IL17REL: variants seen among roughly 807,000 people sequenced by gnomAD.
The protein encoded by IL17REL is interleukin-17 receptor E-like protein.
In IL17REL, 36 loss-of-function variants were observed where a neutral mutation model predicts 49.0. The observed-to-expected ratio is 0.73, with a 90% confidence interval of 0.56 to 0.97. The LOEUF (loss-of-function observed/expected upper bound fraction) is 0.97. Among genes scored for constraint, IL17REL ranks in the 50% least tolerant of loss-of-function variants. The pLI is 0.00. For missense variants in IL17REL, 470 were observed against 453.9 expected (o/e 1.04, Z -0.32); for synonymous variants, 206 against 192.4 (o/e 1.07, Z -0.58).
upstream of IL17REL, among the ~76,000 whole-genome samples, chr22:50,009,498 G>A (rs1324418760): frequency 6.6e-6 from 1 of 152,182 alleles, no homozygotes; most frequent in Non-Finnish European, 1.5e-5. Context: ...CTCAGAGCAG[G>A]GCAGGACCCC....
chr22:49,998,343 G>A (rs367974115), intron 7 of IL17REL, 34 bp from the exon 10 acceptor site: 3 of 1,569,510 alleles, frequency 1.9e-6, no homozygotes, highest in African/African-American at 1.4e-5. Flanking sequence ...CAGGTCAGTT[G>A]GGCCCTACCC....
exon 2 of IL17REL, chr22:50,001,120 G>C: frequency 6.2e-7 from 1 of 1,602,380 alleles, no homozygotes; most frequent in Non-Finnish European, 8.5e-7. Flanking sequence ...CAGGAGCATC[G>C]CGCAGCCGTC....
Position 49,999,808 on chromosome 22 carries a change from C to A in IL17REL, c.474+20G>T. ...GGGCGGGGCCTAAGGCTGACCGGGGCCCGGGGCGCGGGCGCTCACTCGCAC... is the reference window on the plus strand; with the variant it reads ...GGGCGGGGCCTAAGGCTGACCGGGGACCGGGGCGCGGGCGCTCACTCGCAC... On this transcript the variant is annotated intron_variant, in intron 5 of 12. Coordinates refer to ENST00000341280, the Ensembl canonical transcript of IL17REL. 6.7e-7 allele frequency: 1 copy of A among 1,485,670 alleles called. No homozygotes were observed. Among genetic ancestry groups the A allele is most frequent in the Non-Finnish European group, 9.0e-7 (1 of 1,116,786 alleles). The allele number at this position is 1,485,670 out of a possible 1,614,324, so 92.0% of individuals were successfully genotyped here.
downstream of IL17REL, among the ~76,000 whole-genome samples, chr22:49,991,898 G>T (rs6010240): frequency 0.021 from 3,198 of 152,208 alleles, 112 homozygotes; most frequent in African/African-American, 0.073. Context: ...TGCCTGAGGT[G>T]GTCCGGGCAC....
At chr22:49,998,113 C>T (rs779176195) in intron 8 of IL17REL, 24 bp downstream of exon 10, 2 of 1,594,652 alleles carry the variant, frequency 1.3e-6, no homozygotes, top group Admixed American at 3.5e-5. Flanking sequence ...TGCCCACCCC[C>T]ATCCCTGCTG....
downstream of IL17REL, among the ~76,000 whole-genome samples, chr22:49,993,113 A>C (rs1344997331): frequency 6.6e-6 from 1 of 152,210 alleles, no homozygotes; most frequent in Non-Finnish European, 1.5e-5. The surrounding 1 kb of genome is among the most constrained non-coding windows in gnomAD (Gnocchi z 6.0). Flanking sequence ...ACTCTGACCC[A>C]AGACCCTCCT....
At chr22:49,994,207 C>T (rs1276183907), downstream of IL17REL, among the ~76,000 whole-genome samples, 1 of 152,138 alleles carries the variant, frequency 6.6e-6, no homozygotes, top group African/African-American at 2.4e-5. Flanking sequence ...TGCTCAAACC[C>T]AGCTTCTAAA....
intron 1 of IL17REL, among the ~76,000 whole-genome samples, chr22:50,005,614 C>G (rs137854): frequency 0.54 from 81,791 of 151,386 alleles, 22,532 homozygotes; most frequent in South Asian, 0.76. Flanking sequence ...CCAGCCTGGC[C>G]AACATGGTGA....
exon 13 of IL17REL, chr22:49,995,185 G>T (rs916190134): frequency 6.6e-6 from 1 of 152,526 alleles, no homozygotes; most frequent in African/African-American, 2.4e-5. Flanking sequence ...GGGTGGGGTT[G>T]CACCCTGCAC....
chr22:49,999,376 AC>A, intron 6 of IL17REL, 31 bp from the exon 9 acceptor site: 1 of 1,612,426 alleles, frequency 6.2e-7, no homozygotes, highest in South Asian at 1.1e-5. Context: ...AGCGCAGCCC[AC>A]CCATCCCTGT....
chr22:49,996,975 G>A lies in IL17REL; in HGVS notation c.*44+19C>T. The A allele has an allele frequency of 7.5e-7, 1 of 1,337,804 alleles. No homozygotes were observed. Among genetic ancestry groups the A allele is most frequent in the East Asian group, 2.5e-5 (1 of 40,026 alleles). The allele number at this position is 1,337,804 out of a possible 1,614,324, so 82.9% of individuals were successfully genotyped here. A position where few individuals can be genotyped will look rare whatever the true frequency, so the allele number is the denominator to read the frequency against. Reference sequence around the variant, plus strand: ...AGTGGAGGAGATGGCTAGGGGCTGGGCACAGCAGCGACACCCACCTGGATG... The same window carrying A: ...AGTGGAGGAGATGGCTAGGGGCTGGACACAGCAGCGACACCCACCTGGATG... On this transcript the variant is annotated intron_variant, in intron 12 of 12. Transcript: ENST00000341280.
exon 13 of IL17REL, chr22:49,996,680 G>C (rs1569207554): frequency 3.7e-6 from 1 of 269,032 alleles, no homozygotes; most frequent in African/African-American, 2.2e-5. Context: ...CTGACTCAGG[G>C]CCGGATGGTC....
At chr22:50,002,607 G>A (rs953616781) in intron 1 of IL17REL, among the ~76,000 whole-genome samples, 41 of 149,434 alleles carry the variant, frequency 2.7e-4, no homozygotes, top group Non-Finnish European at 5.3e-4. Context: ...CAATTCTCCT[G>A]CCTCAGCCTC....
chr22:50,006,118 T>C (rs1474898901), intron 1 of IL17REL, among the ~76,000 whole-genome samples: 1 of 152,114 alleles, frequency 6.6e-6, no homozygotes, highest in East Asian at 1.9e-4. Flanking sequence ...CCCCAGCACA[T>C]GGTGAGGAAG....
exon 4 of IL17REL, chr22:50,000,567 G>T: frequency 6.2e-7 from 1 of 1,613,458 alleles, no homozygotes; most frequent in Non-Finnish European, 8.5e-7. Context: ...CACGCTCACC[G>T]CAAAGCAGCC....
At chr22:50,010,223 G>C (rs2061131806), upstream of IL17REL, among the ~76,000 whole-genome samples, 1 of 152,254 alleles carries the variant, frequency 6.6e-6, no homozygotes, top group Non-Finnish European at 1.5e-5. Context: ...GCGTCCTGAT[G>C]GAAGCCCCGG....
At chr22:49,999,930 C>A (rs1443437911) in exon 5 of IL17REL, 2 of 1,532,948 alleles carry the variant, frequency 1.3e-6, no homozygotes, top group African/African-American at 2.8e-5. Context: ...CCAGAATCGC[C>A]TTGCGCCTCC....
At chr22:49,998,723 G>T (rs1176678490) in intron 7 of IL17REL, among the ~76,000 whole-genome samples, 1 of 151,480 alleles carries the variant, frequency 6.6e-6, no homozygotes, top group Non-Finnish European at 1.5e-5. Flanking sequence ...GTACGTGTTT[G>T]CATGTGTATG....
At chr22:50,008,358 G>A (rs542936291) in intron 1 of IL17REL, among the ~76,000 whole-genome samples, 36 of 152,318 alleles carry the variant, frequency 2.4e-4, no homozygotes, top group Non-Finnish European at 4.4e-4. Context: ...GCTTCTGGGC[G>A]GCCGGTTTGG....
Sources: allele counts gnomAD v4.1 joint callset (sites outside exome capture counted in the v4.1 genomes callset), GRCh38; gene constraint gnomAD v4.1.1; non-coding constraint Gnocchi (gnomAD v3.1); transcripts MANE v1.5; gene names NCBI Gene and HGNC (gene_info 2026-07-23, HGNC 2026-07-21).